The following PACRG variants were observed in gnomAD, a reference collection of about 807,000 sequenced individuals.
The protein encoded by PACRG is parkin coregulated gene protein.
A neutral mutation model predicts 29.7 loss-of-function variants in PACRG; 29 were observed. The ratio of observed to expected loss-of-function variants is 0.98; its 90% CI spans 0.73 to 1.33. The LOEUF (loss-of-function observed/expected upper bound fraction) is 1.33, where lower values mean the gene tolerates loss of function less well. PACRG is among the 40% of genes most tolerant of loss of function. PACRG has a pLI of 0.00. For synonymous variants in PACRG, 116 were observed against 118.7 expected (o/e 0.98, Z 0.15); for missense variants, 279 against 316.2 (o/e 0.88, Z 0.89).
At position 163,104,070 on chromosome 6, in the gene PACRG, G is replaced by A. The variant is rs549426999; in HGVS notation, c.613+14662G>A. 1.1e-4 allele frequency among the ~76,000 whole-genome samples: 17 copies of A among 152,306 alleles called. No individual in the cohort carries two copies. The South Asian group carries it at 2.5e-3, about 22-fold the overall frequency. ...AAGTAAATGGAAGTTTCATTGATCC[G>A]ATTTAACAACTATTATATGCTGGTA... On this transcript the variant is annotated intron_variant, in intron 4 of 4. Transcript: ENST00000366888.
intron 4 of PACRG, among the ~76,000 whole-genome samples, chr6:163,121,755 T>TCCTGGGTTCA: frequency 6.8e-6 from 1 of 146,290 alleles, no homozygotes; most frequent in Non-Finnish European, 1.5e-5. Context: ...AAGCTCCGCC[T>TCCTGGGTTCA]CCTGGGTTCA....
rs1554297493 is a variant in PACRG, at chr6:162,881,963, G to GGGT, written c.291+67684_291+67685insTGG. ...TCTCCACCAAGACCAGAGATGGGTG[G>GGGT]GGGGGGGCACTCTTCCACTAAGGAC... On this transcript the variant is annotated intron_variant, in intron 2 of 4. Transcript: ENST00000366888. Among the ~76,000 whole-genome samples the GGGT allele has an allele frequency of 3.0e-5, 4 of 133,604 alleles. No homozygotes were observed. The South Asian group carries it at 8.2e-4, about 27-fold the overall frequency. The allele number at this position is 133,604 out of a possible 152,430, so 87.6% of individuals were successfully genotyped here. A position where few individuals can be genotyped will look rare whatever the true frequency, so the allele number is the denominator to read the frequency against.
intron 2 of PACRG, among the ~76,000 whole-genome samples, chr6:162,830,625 T>C (rs1169858822): frequency 6.6e-6 from 1 of 152,260 alleles, no homozygotes; most frequent in Non-Finnish European, 1.5e-5. Flanking sequence ...TGGCTCTCGC[T>C]ACCATCCAGT....
At chr6:162,756,346 T>C (rs1584253429) in intron 1 of PACRG, among the ~76,000 whole-genome samples, 1 of 152,230 alleles carries the variant, frequency 6.6e-6, no homozygotes, top group East Asian at 1.9e-4. Context: ...AATATATTTA[T>C]AATTGTTAGG....
intron 2 of PACRG, among the ~76,000 whole-genome samples, chr6:162,937,080 A>G (rs997663303): frequency 7.9e-5 from 12 of 152,238 alleles, no homozygotes; most frequent in Non-Finnish European, 1.3e-4. Flanking sequence ...TTGAAGTTCA[A>G]AAGAAAGGTC....
chr6:162,918,650 T>C (rs1427342124), intron 2 of PACRG, among the ~76,000 whole-genome samples: 1 of 152,204 alleles, frequency 6.6e-6, no homozygotes, highest in Non-Finnish European at 1.5e-5. Context: ...ATGACTATCA[T>C]GTTTCAAAAG....
intron 4 of PACRG, among the ~76,000 whole-genome samples, chr6:163,274,000 TC>T (rs1323460674): frequency 3.9e-5 from 6 of 152,314 alleles, no homozygotes; most frequent in African/African-American, 1.4e-4. Context: ...ATATGCAGTA[TC>T]TTTATTATGT....
chr6:162,875,916 C>A (rs568512800), intron 2 of PACRG, among the ~76,000 whole-genome samples: 3 of 152,162 alleles, frequency 2.0e-5, no homozygotes, highest in Non-Finnish European at 2.9e-5. Flanking sequence ...AGCTTGAACT[C>A]ATGTGTCTAT....
chr6:162,758,718 G>A (rs1465046931), intron 1 of PACRG, among the ~76,000 whole-genome samples: 2 of 152,156 alleles, frequency 1.3e-5, no homozygotes, highest in Admixed American at 6.6e-5. Flanking sequence ...GTTAATAAGA[G>A]TGTATGCCTC....
intron 2 of PACRG, among the ~76,000 whole-genome samples, chr6:162,973,638 A>G: frequency 6.6e-6 from 1 of 151,956 alleles, no homozygotes. Flanking sequence ...ACAATTTTCA[A>G]CCTTTTTTGA....
chr6:163,174,765 CCAT>C (rs1239322874), intron 4 of PACRG, among the ~76,000 whole-genome samples: 2 of 152,020 alleles, frequency 1.3e-5, no homozygotes, highest in African/African-American at 2.4e-5. Context: ...GGCACCGTCT[CCAT>C]CATCATCATC....
rs1029616440 is a variant in PACRG, at chr6:163,206,947, AT to A, written c.614-107872del. Among the ~76,000 whole-genome samples, 65 of 151,818 alleles carry A rather than the reference AT, an allele frequency of 4.3e-4. 1 individual carries two copies. The highest frequency in any genetic ancestry group is 3.0e-3 in the Admixed American group (45 of 15,238). On this transcript the variant is annotated intron_variant, in intron 4 of 4. Coordinates refer to ENST00000366888, the MANE Select transcript of PACRG (RefSeq NM_001080379.2). The stretch of plus-strand genomic sequence containing the variant: ...CTCAATTCTGAAAATATCATACTTC[AT>A]TTTTTTTCTTTTACCGCTGTTTATA...
intron 3 of PACRG, among the ~76,000 whole-genome samples, chr6:163,069,138 C>T (rs961945676): frequency 6.6e-6 from 1 of 151,954 alleles, no homozygotes; most frequent in Admixed American, 6.6e-5. Context: ...ACAGCTTAGA[C>T]AACAATACCC....
At chr6:163,080,543 T>C (rs1812986928) in intron 3 of PACRG, among the ~76,000 whole-genome samples, 1 of 152,074 alleles carries the variant, frequency 6.6e-6, no homozygotes, top group Non-Finnish European at 1.5e-5. Context: ...ATATGGGGAG[T>C]GTCAAATAGA....
At chr6:162,930,241 A>T (rs1005400874) in intron 2 of PACRG, among the ~76,000 whole-genome samples, 1 of 151,554 alleles carries the variant, frequency 6.6e-6, no homozygotes. Context: ...GTATCTTTTT[A>T]TTTTTTTCTG....
chr6:163,049,133 T>G (rs371506268), intron 2 of PACRG, among the ~76,000 whole-genome samples: 72 of 152,134 alleles, frequency 4.7e-4, no homozygotes, highest in African/African-American at 1.7e-3. Flanking sequence ...ATTTAAACAG[T>G]CGTGATAATC....
intron 4 of PACRG, among the ~76,000 whole-genome samples, chr6:163,232,571 A>G (rs1191624648): frequency 6.6e-6 from 1 of 152,176 alleles, no homozygotes; most frequent in Non-Finnish European, 1.5e-5. Flanking sequence ...GGGCAGAGGA[A>G]GGTGGCTCTG....
At chr6:162,838,064 T>G (rs1789391915) in intron 2 of PACRG, among the ~76,000 whole-genome samples, 1 of 152,220 alleles carries the variant, frequency 6.6e-6, no homozygotes. Context: ...GGAACCAGTG[T>G]TAATGTTTTG....
At chr6:163,244,389 T>C (rs1336452348) in intron 4 of PACRG, among the ~76,000 whole-genome samples, 1 of 152,154 alleles carries the variant, frequency 6.6e-6, no homozygotes, top group Non-Finnish European at 1.5e-5. Flanking sequence ...ACCTAACGTG[T>C]GCTAAACTTT....
Sources: gnomAD v4.1 joint callset for allele counts (sites outside exome capture counted in the v4.1 genomes callset) on GRCh38, gnomAD v4.1.1 for gene constraint, MANE v1.5 for transcripts, NCBI Gene and HGNC (gene_info 2026-07-23, HGNC 2026-07-21) for gene names.